The following TMEM233 variants were observed in gnomAD, a reference collection of about 807,000 sequenced individuals.
The protein encoded by TMEM233 is transmembrane protein 233, also known as dispanin subfamily B member 2.
A neutral mutation model predicts 11.2 loss-of-function variants in TMEM233; 6 were observed. The observed-to-expected ratio is 0.54, with a 90% confidence interval of 0.29 to 1.06. The LOEUF is 1.06. Among genes scored for constraint, TMEM233 ranks in the 50% least tolerant of loss-of-function variants. The pLI, the probability that TMEM233 is intolerant of heterozygous loss-of-function variation, is 0.08. For missense variants in TMEM233, 127 were observed against 144.7 expected (o/e 0.88, Z 0.63); for synonymous variants, 59 against 55.8 (o/e 1.06, Z -0.26).
chr12:119,634,224 A>T lies in TMEM233; in HGVS notation c.323+4352A>T. 3.0e-6 allele frequency: 3 copies of T among 985,308 alleles called. No individual in the cohort carries two copies. The South Asian group carries it at 1.4e-4, about 46-fold the overall frequency. The allele number at this position is 985,308 out of a possible 1,614,324, so 61.0% of individuals were successfully genotyped here. On this transcript the variant is annotated intron_variant, in intron 2 of 2. Coordinates refer to ENST00000426426, the MANE Select transcript of TMEM233 (RefSeq NM_001136534.3). Reference sequence around the variant, plus strand: ...CCTTTGTAACAATCTATTTCCACAGAGGGGCTGGAAAATCTGACATTAGAG... The same window carrying T: ...CCTTTGTAACAATCTATTTCCACAGTGGGGCTGGAAAATCTGACATTAGAG...
At chr12:119,601,603 A>G (rs958387786) in intron 1 of TMEM233, among the ~76,000 whole-genome samples, 3 of 149,502 alleles carry the variant, frequency 2.0e-5, no homozygotes, top group African/African-American at 7.4e-5. Context: ...GCTTGCAGTG[A>G]GCCGAGATCG....
intron 1 of TMEM233, among the ~76,000 whole-genome samples, chr12:119,597,359 A>G (rs1029465746): frequency 2.6e-5 from 4 of 152,176 alleles, no homozygotes; most frequent in African/African-American, 9.7e-5. Flanking sequence ...GCACATTCCC[A>G]ATACCAAGAC....
intron 1 of TMEM233, among the ~76,000 whole-genome samples, chr12:119,616,864 A>G (rs1344545432): frequency 6.6e-6 from 1 of 152,134 alleles, no homozygotes; most frequent in Non-Finnish European, 1.5e-5. Context: ...CTCAGCACTC[A>G]TTCTTTTCTC....
chr12:119,627,695 G>A (rs1431512056), intron 1 of TMEM233, among the ~76,000 whole-genome samples: 5 of 152,158 alleles, frequency 3.3e-5, no homozygotes, highest in African/African-American at 9.7e-5. Flanking sequence ...CCAACATTGG[G>A]GATCACGTTT....
At chr12:119,604,998 CT>C (rs1555264652) in intron 1 of TMEM233, among the ~76,000 whole-genome samples, 199 of 141,400 alleles carry the variant, frequency 1.4e-3, no homozygotes, top group Middle Eastern at 3.5e-3. Flanking sequence ...CCCTCACTAT[CT>C]TTTTTTTTTT....
chr12:119,624,252 C>T (rs1566107855), intron 1 of TMEM233, among the ~76,000 whole-genome samples: 2 of 151,740 alleles, frequency 1.3e-5, no homozygotes, highest in Non-Finnish European at 2.9e-5. Context: ...CCCAGCTACT[C>T]AGGAGGCTGA....
chr12:119,646,310 C>A (rs1395166215), downstream of TMEM233, among the ~76,000 whole-genome samples: 2 of 152,190 alleles, frequency 1.3e-5, no homozygotes, highest in African/African-American at 4.8e-5. Context: ...CCGCCCACCT[C>A]GGCTTCCCAA....
intron 1 of TMEM233, among the ~76,000 whole-genome samples, chr12:119,622,389 A>G (rs1954661479): frequency 2.0e-5 from 3 of 152,234 alleles, no homozygotes; most frequent in African/African-American, 7.2e-5. Context: ...TAAAAGAACA[A>G]ATAAGATCAT....
intron 1 of TMEM233, among the ~76,000 whole-genome samples, chr12:119,607,309 A>G (rs1261449654): frequency 3.3e-5 from 5 of 152,160 alleles, no homozygotes; most frequent in Admixed American, 6.5e-5. Context: ...CTCATCTGTA[A>G]ATTGGAAACA....
At chr12:119,621,995 C>A (rs531960607) in intron 1 of TMEM233, among the ~76,000 whole-genome samples, 2 of 152,102 alleles carry the variant, frequency 1.3e-5, no homozygotes, top group East Asian at 3.9e-4. Context: ...GGAAGTAACC[C>A]GTGTTTAGAC....
intron 2 of TMEM233, among the ~76,000 whole-genome samples, chr12:119,637,562 A>T (rs1236062823): frequency 6.6e-6 from 1 of 152,226 alleles, no homozygotes; most frequent in African/African-American, 2.4e-5. Context: ...CTTAAAAGCA[A>T]ATCCCTCTTC....
At chr12:119,643,195 G>A (rs1955109531), downstream of TMEM233, 1 of 152,224 alleles carries the variant, frequency 6.6e-6, no homozygotes, top group Non-Finnish European at 1.5e-5. Flanking sequence ...GGCCAGAGGT[G>A]GCGCTAGAGA....
intron 2 of TMEM233, among the ~76,000 whole-genome samples, chr12:119,636,765 C>T (rs929172227): frequency 9.9e-5 from 15 of 152,222 alleles, no homozygotes; most frequent in African/African-American, 3.4e-4. Context: ...ATGACATTCC[C>T]GGATGACCCT....
chr12:119,611,543 GATAT>G (rs10542488), intron 1 of TMEM233, among the ~76,000 whole-genome samples: 3 of 150,238 alleles, frequency 2.0e-5, no homozygotes, highest in South Asian at 2.1e-4. Flanking sequence ...TTGAGTTTAA[GATAT>G]ATATATATAT....
At chr12:119,643,784 T>C (rs922952969), downstream of TMEM233, among the ~76,000 whole-genome samples, 3 of 145,074 alleles carry the variant, frequency 2.1e-5, no homozygotes, top group South Asian at 2.1e-4. Context: ...AAAAAAAAGG[T>C]GTATTATCAA....
chr12:119,634,069 G>C (rs113398479), intron 2 of TMEM233, among the ~76,000 whole-genome samples: 1 of 152,322 alleles, frequency 6.6e-6, no homozygotes, highest in African/African-American at 2.4e-5. Context: ...GGAAGAACGT[G>C]CGAATGGTGG....
intron 2 of TMEM233, among the ~76,000 whole-genome samples, chr12:119,630,319 A>T (rs1419616180): frequency 6.6e-6 from 1 of 152,226 alleles, no homozygotes; most frequent in African/African-American, 2.4e-5. Flanking sequence ...GGTCAGTGGA[A>T]GGTCTCTCCT....
In TMEM233 at chr12:119,640,954, A is replaced by C; in HGVS notation, c.*249A>C. The C allele has an allele frequency of 2.0e-6, 1 of 493,620 alleles. No homozygotes were observed. The allele number at this position is 493,620 out of a possible 1,614,324, so 30.6% of individuals were successfully genotyped here. A position where few individuals can be genotyped will look rare whatever the true frequency, so the allele number is the denominator to read the frequency against. On this transcript the variant is annotated 3_prime_UTR_variant, in exon 3 of 3. Transcript: ENST00000426426. Reference sequence around the variant, plus strand: ...TGTAAAAATGAAAAGAAAACAGAAAAAAGAAAAATGAAGTCTCACTGTCTC... The same window carrying C: ...TGTAAAAATGAAAAGAAAACAGAAACAAGAAAAATGAAGTCTCACTGTCTC...
intron 1 of TMEM233, among the ~76,000 whole-genome samples, chr12:119,613,633 G>C (rs1566102752): frequency 1.3e-5 from 2 of 151,824 alleles, no homozygotes; most frequent in African/African-American, 2.4e-5. Context: ...GGGCAACATA[G>C]CAAGACCCTG....
Sources: allele counts gnomAD v4.1 joint callset (sites outside exome capture counted in the v4.1 genomes callset), GRCh38; gene constraint gnomAD v4.1.1; transcripts MANE v1.5; gene names NCBI Gene and HGNC (gene_info 2026-07-23, HGNC 2026-07-21).